PLCL2: variants seen among roughly 807,000 people sequenced by gnomAD.
PLCL2 encodes the protein inactive phospholipase C-like protein 2.
A neutral mutation model predicts 79.6 loss-of-function variants in PLCL2; 4 were observed. The ratio of observed to expected loss-of-function variants is 0.05; its 90% confidence interval spans 0.02 to 0.11. The LOEUF is 0.11. Ranked by LOEUF, PLCL2 falls within the 10% of genes least tolerant of loss-of-function variation. The probability of loss-of-function intolerance (pLI) is 1.00; values close to 1 mark genes in which losing one functional copy is unlikely to be tolerated. For synonymous variants in PLCL2, 484 were observed against 457.7 expected, an observed-to-expected ratio of 1.06 and a Z score of -0.73; for missense variants, 895 against 1,291.0, an observed-to-expected ratio of 0.69 and a Z score of 4.70.
intron 5 of PLCL2, among the ~76,000 whole-genome samples, chr3:17,079,226 G>A (rs1320298451): frequency 6.6e-6 from 1 of 152,064 alleles, no homozygotes; most frequent in African/African-American, 2.4e-5. Context: ...CTACACAGCT[G>A]GGCCACCCTC....
intron 1 of PLCL2, among the ~76,000 whole-genome samples, chr3:16,945,944 G>A (rs1293750836): frequency 2.6e-5 from 4 of 152,130 alleles, no homozygotes; most frequent in Non-Finnish European, 5.9e-5. Flanking sequence ...TATGTCATAC[G>A]TTTCACTACT....
rs80288959 is a variant in PLCL2 at position 16,887,834 on chromosome 3, A to C, written c.327+2468A>C. Among the ~76,000 whole-genome samples, 1 of 152,142 alleles carries C rather than the reference A, an allele frequency of 6.6e-6. No homozygotes were observed. Among genetic ancestry groups the C allele is most frequent in the Non-Finnish European group, 1.5e-5 (1 of 68,022 alleles). On this transcript the variant is annotated intron_variant, in intron 1 of 5. Coordinates refer to ENST00000615277, the MANE Select transcript of PLCL2 (RefSeq NM_001144382.2). The surrounding 1 kb of genome is among the most constrained non-coding windows in gnomAD (Gnocchi z 4.1). Reference sequence around the variant, plus strand: ...GAATAAAAAGCTAAAGCAGAAGCCCATGTGAAAAAGCAATAGTGACATCTT... The same window carrying C: ...GAATAAAAAGCTAAAGCAGAAGCCCCTGTGAAAAAGCAATAGTGACATCTT...
chr3:17,087,867 G>A (rs1276549952), intron 5 of PLCL2, among the ~76,000 whole-genome samples: 1 of 152,160 alleles, frequency 6.6e-6, no homozygotes, highest in Non-Finnish European at 1.5e-5. Flanking sequence ...ACAAAGACTA[G>A]TTAGTCTATT....
At chr3:17,048,127 A>G (rs1306749838) in intron 4 of PLCL2, among the ~76,000 whole-genome samples, 1 of 149,366 alleles carries the variant, frequency 6.7e-6, no homozygotes, top group African/African-American at 2.5e-5. Context: ...GTGTGCTCCT[A>G]GGAGCTGAGG....
At chr3:16,930,816 C>T (rs1697375174) in intron 1 of PLCL2, among the ~76,000 whole-genome samples, 1 of 152,304 alleles carries the variant, frequency 6.6e-6, no homozygotes, top group South Asian at 2.1e-4. Context: ...TCTGCTGCTC[C>T]TGCATGAGTT....
intron 1 of PLCL2, among the ~76,000 whole-genome samples, chr3:16,937,526 C>T (rs531571924): frequency 2.0e-5 from 3 of 152,310 alleles, no homozygotes; most frequent in South Asian, 4.1e-4. Context: ...AGGAAACTTC[C>T]TTCCTAAAAT....
In PLCL2 at chr3:17,044,269, A is replaced by G. The variant is rs145975116; in HGVS notation, c.3094+1320A>G. The G allele has an allele frequency of 3.9e-3, 593 of 152,398 alleles. 3 individuals are homozygous for G. Among genetic ancestry groups the G allele is most frequent in the Non-Finnish European group, 6.8e-3 (462 of 68,142 alleles). 9.4% of individuals were successfully genotyped at this position (152,398 alleles called of 1,614,324 possible). A position where few individuals can be genotyped will look rare whatever the true frequency, so the allele number is the denominator to read the frequency against. On this transcript the variant is annotated intron_variant, in intron 4 of 5. Transcript: ENST00000615277. ...GAAGGGAAGGGATGGTGAGCCATCTACCCTCTGCTTTGGGCTGCCTGTCCC... is the reference window on the plus strand; with the variant it reads ...GAAGGGAAGGGATGGTGAGCCATCTGCCCTCTGCTTTGGGCTGCCTGTCCC...
chr3:16,927,364 A>C (rs1190848852), intron 1 of PLCL2, among the ~76,000 whole-genome samples: 1 of 152,266 alleles, frequency 6.6e-6, no homozygotes, highest in Non-Finnish European at 1.5e-5. Flanking sequence ...AAAAAAAATG[A>C]AATAAACAAT....
chr3:17,044,482 T>C (rs547818342), intron 4 of PLCL2, among the ~76,000 whole-genome samples: 1 of 152,320 alleles, frequency 6.6e-6, no homozygotes, highest in African/African-American at 2.4e-5. Context: ...AAACCTTTAA[T>C]TTGCTTCAGT....
intron 1 of PLCL2, among the ~76,000 whole-genome samples, chr3:16,893,080 T>C (rs912927272): frequency 2.0e-5 from 3 of 152,232 alleles, no homozygotes; most frequent in Non-Finnish European, 4.4e-5. Flanking sequence ...TGGCTGAATC[T>C]TATGATGAAA....
intron 1 of PLCL2, among the ~76,000 whole-genome samples, chr3:16,973,557 G>T (rs1346424540): frequency 1.3e-5 from 2 of 152,074 alleles, no homozygotes; most frequent in Non-Finnish European, 2.9e-5. Context: ...CTTTAAGATA[G>T]TAAAGTGGAA....
intron 1 of PLCL2, among the ~76,000 whole-genome samples, chr3:16,922,973 A>G (rs986766731): frequency 6.6e-6 from 1 of 152,166 alleles, no homozygotes; most frequent in Non-Finnish European, 1.5e-5. Flanking sequence ...ATTTGAGAAA[A>G]CAATAACCCC....
intron 1 of PLCL2, among the ~76,000 whole-genome samples, chr3:16,974,439 T>A (rs1437121996): frequency 1.3e-5 from 2 of 151,128 alleles, no homozygotes; most frequent in Non-Finnish European, 3.0e-5. Context: ...GAAGGAAGAG[T>A]GGGTTGGTCA....
At chr3:16,953,509 A>G (rs1417249630) in intron 1 of PLCL2, among the ~76,000 whole-genome samples, 2 of 152,124 alleles carry the variant, frequency 1.3e-5, no homozygotes, top group Non-Finnish European at 2.9e-5. Context: ...GCCCTTGAAG[A>G]GCTTGTTCTC....
chr3:16,924,422 G>A (rs952460113), intron 1 of PLCL2, among the ~76,000 whole-genome samples: 5 of 152,086 alleles, frequency 3.3e-5, no homozygotes, highest in African/African-American at 1.2e-4. Context: ...CAAACACCTG[G>A]GACAAAATAC....
intron 1 of PLCL2, among the ~76,000 whole-genome samples, chr3:16,993,053 G>C (rs1337985784): frequency 6.6e-6 from 1 of 152,152 alleles, no homozygotes; most frequent in Non-Finnish European, 1.5e-5. Context: ...AGACAGACTA[G>C]AACTGGCAAC....
At chr3:17,023,606 A>G (rs2064479536) in intron 3 of PLCL2, among the ~76,000 whole-genome samples, 1 of 152,170 alleles carries the variant, frequency 6.6e-6, no homozygotes, top group Admixed American at 6.6e-5. Context: ...CTCCCCAGCC[A>G]TGTGGAACTG....
chr3:16,986,013 G>A (rs2064046899), intron 1 of PLCL2, among the ~76,000 whole-genome samples: 1 of 152,058 alleles, frequency 6.6e-6, no homozygotes, highest in African/African-American at 2.4e-5. Flanking sequence ...GTTATTGGGA[G>A]TGGCTAGTGG....
rs1278483894 is a variant in PLCL2 at position 17,010,326 on chromosome 3, C to T, written c.980C>T (p.Thr327Ile). ...AAGGACAAAGCTGGTACCGAGGTCA[C>T]AAAGGAAGAATTTATTGAGGTTTTT... ...KSKDKAGTEV[T>I]KEEFIEVFHE... The change falls in exon 2 of 6, where the codon ACA becomes ATA. Residue 327 changes from threonine to isoleucine, a missense_variant. Physicochemically the swap from Thr to Ile is moderately conservative, Grantham distance 89. Transcript: ENST00000615277. The surrounding 1 kb of genome is among the most constrained non-coding windows in gnomAD (Gnocchi z 5.8). The T allele has an allele frequency of 1.9e-6, 3 of 1,614,018 alleles. No individual in the cohort carries two copies. Among genetic ancestry groups the T allele is most frequent in the Admixed American group, 1.7e-5 (1 of 60,018 alleles).
Sources: gnomAD v4.1 joint callset for allele counts (sites outside exome capture counted in the v4.1 genomes callset) on GRCh38, gnomAD v4.1.1 for gene constraint, Gnocchi (gnomAD v3.1) non-coding constraint, MANE v1.5 for transcripts, NCBI Gene and HGNC (gene_info 2026-07-23, HGNC 2026-07-21) for gene names.